MYADM: variants seen among roughly 807,000 people sequenced by gnomAD.
MYADM encodes myeloid associated differentiation marker, also known as myeloid-associated differentiation marker.
For missense variants in MYADM, 416 were observed against 443.4 expected (o/e 0.94, Z 0.56); for synonymous variants, 224 against 210.2 (o/e 1.07, Z -0.57).
Position 53,876,243 on chromosome 19 carries a change from G to A in MYADM, c.*1745G>A, listed in dbSNP as rs1209403830. 1.2e-5 allele frequency: 2 copies of A among 161,786 alleles called. No homozygotes were observed. Among genetic ancestry groups the A allele is most frequent in the Non-Finnish European group, 3.0e-5 (2 of 67,630 alleles). The allele number at this position is 161,786 out of a possible 1,614,324, so 10.0% of individuals were successfully genotyped here. On this transcript the variant is annotated 3_prime_UTR_variant, in exon 3 of 3. Transcript: ENST00000391770. ...TTGCTGCTGCTTCCTGCTTGTCTGG[G>A]ACTCACATACATAACGTGATATATA...
rs367717726 is a variant in MYADM, at chr19:53,874,519, G to A, written c.*21G>A. The A allele has an allele frequency of 3.4e-5, 53 of 1,558,094 alleles. No individual in the cohort carries two copies. Among genetic ancestry groups the A allele is most frequent in the Non-Finnish European group, 4.4e-5 (51 of 1,152,608 alleles). On this transcript the variant is annotated 3_prime_UTR_variant, in exon 3 of 3. Coordinates refer to ENST00000391770, the MANE Select transcript of MYADM (RefSeq NM_138373.5). ...TCTAAGACTCTCCCAAGAGGCTCCC[G>A]TTCCCTCTCCAACCTCTTTGTTCTT... is the stretch of plus-strand genomic sequence containing the variant.
At position 53,876,274 on chromosome 19, in the gene MYADM, A is replaced by G. The variant is rs1276660402; in HGVS notation, c.*1776A>G. On this transcript the variant is annotated 3_prime_UTR_variant, in exon 3 of 3. Coordinates refer to ENST00000391770, the MANE Select transcript of MYADM (RefSeq NM_138373.5). The stretch of plus-strand genomic sequence containing the variant: ...CATACATAACGTGATATATATATAT[A>G]TATATATAAATGTATAAATATATAT... The G allele has an allele frequency of 1.2e-5, 2 of 162,462 alleles. No individual in the cohort carries two copies. Among genetic ancestry groups the G allele is most frequent in the Non-Finnish European group, 3.0e-5 (2 of 67,442 alleles). The allele number at this position is 162,462 out of a possible 1,614,324, so 10.1% of individuals were successfully genotyped here.
rs2068298476 is a variant in MYADM at position 53,868,890 on chromosome 19, C to T, written c.-87-864C>T. ...GCGCGCCCCCCTCCCCTGCGCGCCC[C>T]CCTCCGCGGCTAGCCCACCTTCCGC... On this transcript the variant is annotated intron_variant, in intron 1 of 2. Transcript: ENST00000391770. The surrounding 1 kb of genome is among the most constrained non-coding windows in gnomAD (Gnocchi z 6.3). 6.6e-6 allele frequency: 1 copy of T among 152,232 alleles called. No individual in the cohort carries two copies. The highest frequency in any genetic ancestry group is 2.1e-4 in the South Asian group (1 of 4,830). 9.4% of individuals were successfully genotyped at this position (152,232 alleles called of 1,614,324 possible). A position where few individuals can be genotyped will look rare whatever the true frequency, so the allele number is the denominator to read the frequency against.
intron 2 of MYADM, among the ~76,000 whole-genome samples, chr19:53,872,113 G>A (rs1301042540): frequency 6.6e-6 from 1 of 152,044 alleles, no homozygotes; most frequent in Non-Finnish European, 1.5e-5. Context: ...TGGTCAGGCT[G>A]GTCTTGAACT....
At chr19:53,870,901 C>T (rs567052164) in intron 2 of MYADM, among the ~76,000 whole-genome samples, 85 of 152,282 alleles carry the variant, frequency 5.6e-4, no homozygotes, top group Middle Eastern at 3.4e-3. Context: ...ATCCTTCAGG[C>T]TAAGGGTCCA....
In MYADM at chr19:53,873,865, C is replaced by T. The variant is rs765993680; in HGVS notation, c.336C>T (p.Phe112=). The change falls in exon 3 of 3, where the codon TTC becomes TTT. Residue 112 remains phenylalanine (F), a synonymous_variant. Transcript: ENST00000391770. This position sits in a 1 kb window ranked among gnomAD's most constrained non-coding sequence, Gnocchi z 4.3. The part of the protein sequence containing the change: ...PITFACYAAL[F]CLSASIIYPT... ...CCTTCGCCTGCTATGCGGCCCTCTT[C>T]TGCCTCTCGGCCTCCATCATCTACC... 39 of 1,613,464 alleles carry T rather than the reference C, an allele frequency of 2.4e-5. No individual in the cohort carries two copies. The South Asian group carries it at 3.4e-4, about 14-fold the overall frequency.
At chr19:53,870,787 CGGG>C (rs2068368882) in intron 2 of MYADM, among the ~76,000 whole-genome samples, 1 of 152,072 alleles carries the variant, frequency 6.6e-6, no homozygotes, top group Admixed American at 6.6e-5. Flanking sequence ...TCTAAGAGGA[CGGG>C]CACTTGATTC....
chr19:53,871,147 C>T (rs1367519029), intron 2 of MYADM, among the ~76,000 whole-genome samples: 1 of 152,168 alleles, frequency 6.6e-6, no homozygotes, highest in African/African-American at 2.4e-5. Flanking sequence ...AGGAGAATCG[C>T]TTGAATCCGG....
chr19:53,874,464 T>A lies in MYADM; in HGVS notation c.935T>A (p.Val312Glu). The A allele has an allele frequency of 6.2e-7, 1 of 1,612,646 alleles. No individual in the cohort carries two copies. Among genetic ancestry groups the A allele is most frequent in the Non-Finnish European group, 8.5e-7 (1 of 1,179,144 alleles). The change falls in exon 3 of 3, where the codon GTG (valine) becomes GAG (glutamate). Residue 312 changes from valine to glutamate, a missense_variant. Val to Glu is a moderately radical substitution (Grantham distance 121). Coordinates refer to ENST00000391770, the MANE Select transcript of MYADM (RefSeq NM_138373.5). ...CTACTGGCGTATGTGGCTGACCTGGTGCACTCTGCCCACCTGGTTTTTGTC... is the reference window on the plus strand; with the variant it reads ...CTACTGGCGTATGTGGCTGACCTGGAGCACTCTGCCCACCTGGTTTTTGTC... ...INLLAYVADL[V>E]HSAHLVFVKV is the part of the protein sequence containing the mutation.
At chr19:53,866,585 C>T (rs1042398704), upstream of MYADM, among the ~76,000 whole-genome samples, 2 of 152,218 alleles carry the variant, frequency 1.3e-5, no homozygotes, top group African/African-American at 4.8e-5. This position sits in a 1 kb window ranked among gnomAD's most constrained non-coding sequence, Gnocchi z 4.3. Flanking sequence ...GCATCCCTTC[C>T]CTGCCCTGGG....
upstream of MYADM, among the ~76,000 whole-genome samples, chr19:53,866,809 A>G (rs2068252619): frequency 6.6e-6 from 1 of 152,168 alleles, no homozygotes; most frequent in South Asian, 2.1e-4. This position sits in a 1 kb window ranked among gnomAD's most constrained non-coding sequence, Gnocchi z 4.3. Flanking sequence ...CTGAGCTTTA[A>G]TGGTTCTATT....
At position 53,868,247 on chromosome 19, in the gene MYADM, T is replaced by TG. The variant is rs1367483768; in HGVS notation, c.-88+305dup. On this transcript the variant is annotated intron_variant, in intron 1 of 2. Coordinates refer to ENST00000391770, the MANE Select transcript of MYADM (RefSeq NM_138373.5). This position sits in a 1 kb window ranked among gnomAD's most constrained non-coding sequence, Gnocchi z 6.3. Reference sequence around the variant, plus strand: ...CTCCTGGGTCCGAGGGAGGAGGGGCTGAGGGCCTGGACTCCTGGGTCTGAG... The same window carrying TG: ...CTCCTGGGTCCGAGGGAGGAGGGGCTGGAGGGCCTGGACTCCTGGGTCTGAG... Among the ~76,000 whole-genome samples the TG allele has an allele frequency of 6.8e-6, 1 of 146,592 alleles. No homozygotes were observed. The highest frequency in any genetic ancestry group is 1.5e-5 in the Non-Finnish European group (1 of 66,532).
At chr19:53,867,505 C>T (rs1320846370), upstream of MYADM, among the ~76,000 whole-genome samples, 1 of 152,132 alleles carries the variant, frequency 6.6e-6, no homozygotes, top group African/African-American at 2.4e-5. Flanking sequence ...GGGCTCTGCA[C>T]TAAACAAACC....
In MYADM at chr19:53,874,779, T is replaced by TCA; in HGVS notation, c.*281_*282insCA. On this transcript the variant is annotated 3_prime_UTR_variant, in exon 3 of 3. Coordinates refer to ENST00000391770, the MANE Select transcript of MYADM (RefSeq NM_138373.5). The stretch of plus-strand genomic sequence containing the variant: ...GTTTCTCTTTTTCTTTTCTTTTTTT[T>TCA]TTTTTTTTTTTTTTAAGACGGATTC... The TCA allele has an allele frequency of 5.2e-6, 1 of 192,772 alleles. No homozygotes were observed. The highest frequency in any genetic ancestry group is 1.1e-5 in the Non-Finnish European group (1 of 91,808). The allele number at this position is 192,772 out of a possible 1,614,324, so 11.9% of individuals were successfully genotyped here.
upstream of MYADM, among the ~76,000 whole-genome samples, chr19:53,866,829 A>G (rs568611677): frequency 4.6e-5 from 7 of 152,306 alleles, no homozygotes; most frequent in East Asian, 1.2e-3. The surrounding 1 kb of genome is among the most constrained non-coding windows in gnomAD (Gnocchi z 4.3). Context: ...TATGATGATC[A>G]TGATGATTTA....
chr19:53,874,213 C>T lies in MYADM; in HGVS notation c.684C>T (p.Cys228=), dbSNP rs1435014486. The change falls in exon 3 of 3, where the codon TGC becomes TGT. Residue 228 remains cysteine, a synonymous_variant. Coordinates refer to ENST00000391770, the MANE Select transcript of MYADM (RefSeq NM_138373.5). ...CCATCCTGCTGAACCTGGGGGAGTG[C>T]ACCAACGTGCTACCCATCCCCTTCC... The part of the protein sequence containing the change: ...AIAILLNLGE[C]TNVLPIPFPS... 2.5e-6 allele frequency: 4 copies of T among 1,613,264 alleles called. No homozygotes were observed. The highest frequency in any genetic ancestry group is 3.3e-5 in the Admixed American group (2 of 59,976).
chr19:53,872,513 AT>A (rs955598222), intron 2 of MYADM, among the ~76,000 whole-genome samples: 58 of 145,240 alleles, frequency 4.0e-4, no homozygotes, highest in East Asian at 1.6e-3. Context: ...ATTAAAAAAA[AT>A]TTTTTTTTTT....
rs1395784918 is a variant in MYADM at position 53,868,562 on chromosome 19, G to A, written c.-88+619G>A. ...TAAGATCCAGCCCCGTGCTTCCGAA[G>A]TGCAGAAGGAGCTGGGAAAGGAGGA... On this transcript the variant is annotated intron_variant, in intron 1 of 2. Coordinates refer to ENST00000391770, the MANE Select transcript of MYADM (RefSeq NM_138373.5). The surrounding 1 kb of genome is among the most constrained non-coding windows in gnomAD (Gnocchi z 6.3). Among the ~76,000 whole-genome samples, 1 of 152,106 alleles carries A rather than the reference G, an allele frequency of 6.6e-6. No individual in the cohort carries two copies. The highest frequency in any genetic ancestry group is 1.5e-5 in the Non-Finnish European group (1 of 67,996).
At position 53,875,231 on chromosome 19, in the gene MYADM, T is replaced by TGTGTGTGTGTGTG. The variant is rs2068506376; in HGVS notation, c.*733_*734insGTGTGTGTGTGTG. 2.0e-5 allele frequency: 2 copies of TGTGTGTGTGTGTG among 100,990 alleles called. No individual in the cohort carries two copies. Among genetic ancestry groups the TGTGTGTGTGTGTG allele is most frequent in the African/African-American group, 7.1e-5 (2 of 28,004 alleles). 6.3% of individuals were successfully genotyped at this position (100,990 alleles called of 1,614,324 possible). Reference sequence around the variant, plus strand: ...GTGTGTGTGTGTGTGTGTGTGTGTGTTTGGGGGGTGGGGGGTGGGTAGCTG... The same window carrying TGTGTGTGTGTGTG: ...GTGTGTGTGTGTGTGTGTGTGTGTGTGTGTGTGTGTGTGTTGGGGGGTGGGGGGTGGGTAGCTG... On this transcript the variant is annotated 3_prime_UTR_variant, in exon 3 of 3. Coordinates refer to ENST00000391770, the MANE Select transcript of MYADM (RefSeq NM_138373.5).
Sources: allele counts gnomAD v4.1 joint callset (sites outside exome capture counted in the v4.1 genomes callset), GRCh38; gene constraint gnomAD v4.1.1; non-coding constraint Gnocchi (gnomAD v3.1); transcripts MANE v1.5; gene names NCBI Gene and HGNC (gene_info 2026-07-23, HGNC 2026-07-21).